DLGAP1: variants seen among roughly 807,000 people sequenced by gnomAD.
The protein encoded by DLGAP1 is DLG associated protein 1, also known as disks large-associated protein 1.
DLGAP1 carries 11 observed loss-of-function variants against 90.8 expected under a neutral mutation model. The ratio of observed to expected loss-of-function variants is 0.12; its 90% confidence interval spans 0.08 to 0.20. The LOEUF (loss-of-function observed/expected upper bound fraction) is 0.20. DLGAP1 is among the 10% of genes least tolerant of loss of function. DLGAP1 has a pLI of 1.00. For missense variants in DLGAP1, 1,050 were observed against 1,333.8 expected, an observed-to-expected ratio of 0.79 and a Z score of 3.31; for synonymous variants, 558 against 540.7, an observed-to-expected ratio of 1.03 and a Z score of -0.44.
At chr18:4,364,220 C>T in intron 1 of DLGAP1, among the ~76,000 whole-genome samples, 1 of 127,688 alleles carries the variant, frequency 7.8e-6, no homozygotes, top group Non-Finnish European at 1.6e-5. Context: ...AACACATGGA[C>T]ACAGGAAGGG....
intron 1 of DLGAP1, among the ~76,000 whole-genome samples, chr18:4,412,897 T>C (rs934727942): frequency 1.3e-5 from 2 of 152,206 alleles, no homozygotes; most frequent in African/African-American, 2.4e-5. Context: ...TGCCTAGACA[T>C]GCACAGGCAA....
chr18:4,303,130 A>G (rs2080166376), intron 1 of DLGAP1, among the ~76,000 whole-genome samples: 1 of 152,186 alleles, frequency 6.6e-6, no homozygotes, highest in Admixed American at 6.5e-5. Flanking sequence ...CACTAAAACA[A>G]TTGTTGATTA....
At chr18:3,501,474 G>C (rs967138108) in intron 12 of DLGAP1, among the ~76,000 whole-genome samples, 3 of 152,128 alleles carry the variant, frequency 2.0e-5, no homozygotes, top group African/African-American at 7.2e-5. Context: ...TGACAGAATT[G>C]GAAACGGGGG....
chr18:3,819,383 T>C (rs561913421), intron 4 of DLGAP1, among the ~76,000 whole-genome samples: 1 of 152,314 alleles, frequency 6.6e-6, no homozygotes, highest in Admixed American at 6.5e-5. Context: ...GAATATATAA[T>C]TTATCCCAAT....
intron 1 of DLGAP1, among the ~76,000 whole-genome samples, chr18:4,351,356 G>A (rs555806102): frequency 6.6e-6 from 1 of 152,164 alleles, no homozygotes; most frequent in South Asian, 2.1e-4. Context: ...GGAGTTTTCT[G>A]GTTTGTAAGA....
At chr18:3,772,352 CTT>C (rs758907264) in intron 5 of DLGAP1, among the ~76,000 whole-genome samples, 1,196 of 11,256 alleles carry the variant, frequency 0.11, 81 homozygotes, top group Non-Finnish European at 0.12. Context: ...CTCTCTCTTT[CTT>C]TCTTTCTTTC....
At chr18:3,830,814 G>A (rs1257320580) in intron 4 of DLGAP1, among the ~76,000 whole-genome samples, 5 of 152,184 alleles carry the variant, frequency 3.3e-5, no homozygotes, top group African/African-American at 1.2e-4. Flanking sequence ...GAGGAGGGAT[G>A]ATGTCATTTG....
intron 2 of DLGAP1, among the ~76,000 whole-genome samples, chr18:4,091,489 C>T (rs530117935): frequency 6.6e-6 from 1 of 152,184 alleles, no homozygotes; most frequent in Non-Finnish European, 1.5e-5. Context: ...TATTCTGTCT[C>T]ACATTTCAAT....
intron 7 of DLGAP1, among the ~76,000 whole-genome samples, chr18:3,618,512 C>A (rs565919384): frequency 1.3e-5 from 2 of 151,018 alleles, no homozygotes; most frequent in Admixed American, 6.6e-5. Context: ...AATAAATAAC[C>A]TGCAGGGAGT....
chr18:4,439,024 CACTG>C (rs1409684736), intron 1 of DLGAP1, among the ~76,000 whole-genome samples: 1 of 152,158 alleles, frequency 6.6e-6, no homozygotes, highest in African/African-American at 2.4e-5. Context: ...GGCTACAATC[CACTG>C]AATGCCTCCT....
chr18:3,639,896 A>C lies in DLGAP1; in HGVS notation c.1592-57648T>G, dbSNP rs764870850. On this transcript the variant is annotated intron_variant, in intron 7 of 12. Transcript: ENST00000315677. ...CAGCCTTCGGAGCAGCTGGGACTACAGGCGCCCGCCACCACACCCGGCTAA... is the reference window on the plus strand; with the variant it reads ...CAGCCTTCGGAGCAGCTGGGACTACCGGCGCCCGCCACCACACCCGGCTAA... 2.4e-4 allele frequency among the ~76,000 whole-genome samples: 34 copies of C among 144,472 alleles called. 2 individuals carry two copies. Among genetic ancestry groups the C allele is most frequent in the Non-Finnish European group, 4.7e-4 (31 of 66,034 alleles). 94.8% of individuals were successfully genotyped at this position (144,472 alleles called of 152,430 possible).
intron 3 of DLGAP1, among the ~76,000 whole-genome samples, chr18:4,000,003 AG>A (rs1386383793): frequency 2.6e-5 from 4 of 152,078 alleles, no homozygotes; most frequent in South Asian, 2.1e-4. Flanking sequence ...TGTAGGGAAT[AG>A]GGTTCTCACT....
rs1186455871 is a variant in DLGAP1 at position 3,526,315 on chromosome 18, A to C, written c.2479+7879T>G. 6.6e-6 allele frequency among the ~76,000 whole-genome samples: 1 copy of C among 152,212 alleles called. No individual in the cohort carries two copies. The highest frequency in any genetic ancestry group is 2.4e-5 in the African/African-American group (1 of 41,456). On this transcript the variant is annotated intron_variant, in intron 10 of 12. Coordinates refer to ENST00000315677, the MANE Select transcript of DLGAP1 (RefSeq NM_004746.4). This position sits in a 1 kb window ranked among gnomAD's most constrained non-coding sequence, Gnocchi z 4.7. ...ACTGTTTCACAGGCCGCAGAGACACAGCAGAGGCAATCCCAGGCGGATAAA... is the reference window on the plus strand; with the variant it reads ...ACTGTTTCACAGGCCGCAGAGACACCGCAGAGGCAATCCCAGGCGGATAAA...
At chr18:3,650,765 C>T (rs777573445) in intron 7 of DLGAP1, among the ~76,000 whole-genome samples, 2 of 152,196 alleles carry the variant, frequency 1.3e-5, no homozygotes, top group Non-Finnish European at 2.9e-5. Context: ...TTTTGATTTC[C>T]GGTAGTAAAA....
At chr18:3,620,244 A>C (rs1235430889) in intron 7 of DLGAP1, among the ~76,000 whole-genome samples, 1 of 152,050 alleles carries the variant, frequency 6.6e-6, no homozygotes, top group East Asian at 1.9e-4. Context: ...TGTGTGTGCG[A>C]GAGAGGAGCA....
intron 7 of DLGAP1, among the ~76,000 whole-genome samples, chr18:3,706,947 G>A (rs1326382606): frequency 6.6e-6 from 1 of 152,186 alleles, no homozygotes; most frequent in African/African-American, 2.4e-5. Flanking sequence ...GGAATGGGCG[G>A]AAAAGGAATT....
chr18:4,303,144 G>A (rs1254263832), intron 1 of DLGAP1, among the ~76,000 whole-genome samples: 1 of 152,178 alleles, frequency 6.6e-6, no homozygotes, highest in Admixed American at 6.5e-5. Context: ...TTGATTAAAT[G>A]AATGAGTGAA....
intron 2 of DLGAP1, among the ~76,000 whole-genome samples, chr18:4,008,282 C>A (rs1442649977): frequency 6.6e-6 from 1 of 151,754 alleles, no homozygotes; most frequent in African/African-American, 2.4e-5. Context: ...GTAACAACAA[C>A]AAAGTTATTA....
At chr18:4,359,962 T>C (rs2144088560) in intron 1 of DLGAP1, among the ~76,000 whole-genome samples, 1 of 152,324 alleles carries the variant, frequency 6.6e-6, no homozygotes, top group East Asian at 1.9e-4. Context: ...AAAAAATTAG[T>C]ATCAAATATG....
Sources: gnomAD v4.1 joint callset for allele counts (sites outside exome capture counted in the v4.1 genomes callset) on GRCh38, gnomAD v4.1.1 for gene constraint, Gnocchi (gnomAD v3.1) non-coding constraint, MANE v1.5 for transcripts, NCBI Gene and HGNC (gene_info 2026-07-23, HGNC 2026-07-21) for gene names.